Variants in DSCAM observed in about 807,000 individuals in gnomAD.
DSCAM encodes DS cell adhesion molecule.
In DSCAM, 47 loss-of-function variants were observed where a neutral mutation model predicts 217.7. The observed-to-expected ratio is 0.22, with a 90% CI of 0.17 to 0.28. The LOEUF (loss-of-function observed/expected upper bound fraction) is 0.28. Among genes scored for constraint, DSCAM ranks in the 10% least tolerant of loss-of-function variants. DSCAM has a pLI of 1.00. For synonymous variants in DSCAM, 1,056 were observed against 1,015.3 expected, an observed-to-expected ratio of 1.04 and a Z score of -0.76; for missense variants, 2,080 against 2,618.3, an observed-to-expected ratio of 0.79 and a Z score of 4.49.
chr21:40,268,543 T>TA (rs57835052), intron 11 of DSCAM, among the ~76,000 whole-genome samples: 6,045 of 151,768 alleles, frequency 0.04, 424 homozygotes, highest in African/African-American at 0.14. Flanking sequence ...ACCCCAAAGT[T>TA]AAAAAAAATA....
At chr21:40,364,715 CAGT>C (rs2123686263) in intron 4 of DSCAM, among the ~76,000 whole-genome samples, 2 of 146,088 alleles carry the variant, frequency 1.4e-5, no homozygotes, top group African/African-American at 5.1e-5. Context: ...TATACACACA[CAGT>C]AGTATATATA....
chr21:40,526,498 C>A (rs1185374077), intron 3 of DSCAM, among the ~76,000 whole-genome samples: 2 of 152,138 alleles, frequency 1.3e-5, no homozygotes, highest in Non-Finnish European at 2.9e-5. Context: ...TGGATGCCTT[C>A]CCCTTTTCAG....
At chr21:40,352,683 A>G (rs889986506) in intron 5 of DSCAM, among the ~76,000 whole-genome samples, 1 of 152,158 alleles carries the variant, frequency 6.6e-6, no homozygotes, top group African/African-American at 2.4e-5. Context: ...TCAAAAAAGG[A>G]GCATTATATT....
intron 4 of DSCAM, among the ~76,000 whole-genome samples, chr21:40,364,333 G>A (rs1601588561): frequency 6.6e-6 from 1 of 152,066 alleles, no homozygotes; most frequent in South Asian, 2.1e-4. Flanking sequence ...ATACACCATG[G>A]AATACTATGC....
intron 3 of DSCAM, among the ~76,000 whole-genome samples, chr21:40,506,211 C>T (rs1362116832): frequency 6.6e-6 from 1 of 152,216 alleles, no homozygotes; most frequent in Non-Finnish European, 1.5e-5. Flanking sequence ...ATCAACTGAT[C>T]TGAAGCCCAT....
intron 32 of DSCAM, among the ~76,000 whole-genome samples, chr21:40,029,994 G>A (rs2088486360): frequency 6.6e-6 from 1 of 152,248 alleles, no homozygotes; most frequent in South Asian, 2.1e-4. Flanking sequence ...GCCTACACGT[G>A]TGCTTGCGCA....
intron 29 of DSCAM, among the ~76,000 whole-genome samples, chr21:40,053,227 G>A (rs2088960726): frequency 6.6e-6 from 1 of 152,240 alleles, no homozygotes; most frequent in Non-Finnish European, 1.5e-5. Flanking sequence ...TTTCCTGGCA[G>A]AGAAATAGAG....
intron 1 of DSCAM, among the ~76,000 whole-genome samples, chr21:40,759,354 T>C (rs1197353125): frequency 1.3e-5 from 2 of 152,164 alleles, no homozygotes; most frequent in African/African-American, 4.8e-5. Flanking sequence ...GGTCACCTAA[T>C]AGCCGGCTCT....
chr21:40,697,292 C>T (rs1288627538), intron 2 of DSCAM, among the ~76,000 whole-genome samples: 1 of 152,194 alleles, frequency 6.6e-6, no homozygotes, highest in Non-Finnish European at 1.5e-5. Flanking sequence ...GTCTCTTCAA[C>T]TTTGCTGATT....
intron 3 of DSCAM, among the ~76,000 whole-genome samples, chr21:40,539,422 G>A (rs1285696023): frequency 1.3e-5 from 2 of 152,104 alleles, no homozygotes; most frequent in East Asian, 1.9e-4. Context: ...CGTGAACCCG[G>A]GAGGCAGAGC....
At chr21:40,434,955 T>C (rs961302958) in intron 3 of DSCAM, among the ~76,000 whole-genome samples, 1 of 152,152 alleles carries the variant, frequency 6.6e-6, no homozygotes, top group Non-Finnish European at 1.5e-5. Context: ...AGAAAGAACA[T>C]GGCCCTAGGA....
intron 11 of DSCAM, among the ~76,000 whole-genome samples, chr21:40,243,164 A>G (rs1253653763): frequency 1.3e-5 from 2 of 152,210 alleles, no homozygotes; most frequent in Non-Finnish European, 2.9e-5. Context: ...TGACTTTGGA[A>G]CATGAAAGCT....
At chr21:40,845,569 C>T (rs2092138222) in intron 1 of DSCAM, among the ~76,000 whole-genome samples, 1 of 149,784 alleles carries the variant, frequency 6.7e-6, no homozygotes, top group Admixed American at 6.7e-5. Context: ...CTCTCTCTCT[C>T]TGTCTCTGTG....
intron 3 of DSCAM, among the ~76,000 whole-genome samples, chr21:40,687,111 T>C (rs1487561425): frequency 1.3e-5 from 2 of 152,122 alleles, no homozygotes; most frequent in African/African-American, 2.4e-5. Context: ...GCAATATAAA[T>C]AGAAGATTAG....
At chr21:40,127,124 A>G (rs2090102429) in intron 19 of DSCAM, among the ~76,000 whole-genome samples, 1 of 152,170 alleles carries the variant, frequency 6.6e-6, no homozygotes, top group Non-Finnish European at 1.5e-5. Flanking sequence ...TTATGTTTTT[A>G]CTGTTAGAAT....
intron 4 of DSCAM, among the ~76,000 whole-genome samples, chr21:40,365,566 T>G (rs901923143): frequency 6.6e-6 from 1 of 152,098 alleles, no homozygotes; most frequent in African/African-American, 2.4e-5. Context: ...TATACATCTA[T>G]CCTATTAATT....
intron 3 of DSCAM, among the ~76,000 whole-genome samples, chr21:40,403,273 T>G (rs918523681): frequency 1.3e-5 from 2 of 152,172 alleles, no homozygotes; most frequent in African/African-American, 4.8e-5. Flanking sequence ...AAAGAACAAT[T>G]TTTTAATGTC....
intron 11 of DSCAM, among the ~76,000 whole-genome samples, chr21:40,200,239 A>AC (rs1416024497): frequency 8.6e-5 from 13 of 152,042 alleles, no homozygotes; most frequent in African/African-American, 3.1e-4. Flanking sequence ...ACTACAATTC[A>AC]TCCCCCAAAC....
chr21:40,414,295 GTCT>G (rs753323543), intron 3 of DSCAM, among the ~76,000 whole-genome samples: 2 of 152,098 alleles, frequency 1.3e-5, no homozygotes, highest in Non-Finnish European at 2.9e-5. Flanking sequence ...GAAAACAAAA[GTCT>G]TCTTTGCCAT....
Sources: allele counts gnomAD v4.1 joint callset (sites outside exome capture counted in the v4.1 genomes callset), GRCh38; gene constraint gnomAD v4.1.1; transcripts MANE v1.5; gene names NCBI Gene and HGNC (gene_info 2026-07-23, HGNC 2026-07-21).